Variants in IQCJ observed in about 807,000 individuals in gnomAD.
The protein encoded by IQCJ is IQ motif containing J.
In IQCJ, 9 loss-of-function variants were observed where a neutral mutation model predicts 11.0. The observed-to-expected ratio is 0.82, with a 90% CI of 0.49 to 1.43. The LOEUF (loss-of-function observed/expected upper bound fraction) is 1.43, where lower values mean the gene tolerates loss of function less well. Ranked by LOEUF, IQCJ falls within the 40% of genes most tolerant of loss-of-function variation. The pLI is 0.00. For missense variants in IQCJ, 146 were observed against 133.2 expected (o/e 1.10, Z -0.47); for synonymous variants, 55 against 51.3 (o/e 1.07, Z -0.31).
intron 1 of IQCJ, among the ~76,000 whole-genome samples, chr3:159,175,515 G>T (rs1184925687): frequency 6.6e-6 from 1 of 152,030 alleles, no homozygotes; most frequent in African/African-American, 2.4e-5. Flanking sequence ...TATCACTCCA[G>T]TAAGTTCCCC....
intron 1 of IQCJ, among the ~76,000 whole-genome samples, chr3:159,120,149 C>T (rs1719278770): frequency 6.6e-6 from 1 of 152,124 alleles, no homozygotes; most frequent in Admixed American, 6.6e-5. Flanking sequence ...CCCTGTACCC[C>T]AGGGGATCAT....
chr3:159,130,331 C>A (rs996656556), intron 1 of IQCJ, among the ~76,000 whole-genome samples: 1 of 152,006 alleles, frequency 6.6e-6, no homozygotes, highest in Non-Finnish European at 1.5e-5. Context: ...AATGCAAGTT[C>A]CTAGGAATTG....
rs1033179427 is a variant in IQCJ at position 159,088,866 on chromosome 3, T to C, written c.9+19425T>C. ...ACAGCACCCTGATGGGTCTTGACTC[T>C]TTATCCAATTTGCCAGTCTGTGTCT... is the stretch of plus-strand genomic sequence containing the variant. On this transcript the variant is annotated intron_variant, in intron 1 of 3. Coordinates refer to ENST00000397832, the MANE Select transcript of IQCJ (RefSeq NM_001042706.3). Among the ~76,000 whole-genome samples the C allele has an allele frequency of 4.1e-3, 619 of 152,302 alleles. 4 individuals carry two copies. The highest frequency in any genetic ancestry group is 0.014 in the African/African-American group (589 of 41,558).
intron 2 of IQCJ, among the ~76,000 whole-genome samples, chr3:159,250,751 CAT>C (rs1727547970): frequency 6.6e-6 from 1 of 152,212 alleles, no homozygotes; most frequent in South Asian, 2.1e-4. Context: ...TCGTCCTTGA[CAT>C]GTGGGGATTA....
At chr3:159,157,397 C>T (rs1405188649) in intron 1 of IQCJ, among the ~76,000 whole-genome samples, 1 of 152,106 alleles carries the variant, frequency 6.6e-6, no homozygotes, top group African/African-American at 2.4e-5. Flanking sequence ...CATTTTTTCT[C>T]ATGATTGTCT....
At chr3:159,204,359 T>C (rs1375659350) in intron 1 of IQCJ, among the ~76,000 whole-genome samples, 3 of 152,202 alleles carry the variant, frequency 2.0e-5, no homozygotes, top group Non-Finnish European at 4.4e-5. Context: ...TTCCTGGTTC[T>C]TCTCTAGATT....
intron 1 of IQCJ, among the ~76,000 whole-genome samples, chr3:159,209,501 T>C (rs1175486975): frequency 6.6e-6 from 1 of 151,920 alleles, no homozygotes; most frequent in African/African-American, 2.4e-5. Context: ...AAGGGCAGGG[T>C]GTCTGTCACC....
intron 1 of IQCJ, among the ~76,000 whole-genome samples, chr3:159,149,986 A>C (rs946289225): frequency 6.6e-6 from 1 of 152,074 alleles, no homozygotes; most frequent in Non-Finnish European, 1.5e-5. Context: ...TCTTCTTTGC[A>C]CTGTCTCTTT....
intron 1 of IQCJ, among the ~76,000 whole-genome samples, chr3:159,134,391 G>A (rs1277744875): frequency 2.6e-5 from 4 of 152,114 alleles, no homozygotes; most frequent in Non-Finnish European, 5.9e-5. Context: ...CAGTAAGTGG[G>A]GATCACAGGG....
chr3:159,108,006 CA>C (rs367862873), intron 1 of IQCJ, among the ~76,000 whole-genome samples: 27 of 100,914 alleles, frequency 2.7e-4, no homozygotes, highest in Admixed American at 5.1e-4. Context: ...TATGGTTTTC[CA>C]AAAAAAAAAA....
At chr3:159,077,770 A>G (rs1195694888) in intron 1 of IQCJ, among the ~76,000 whole-genome samples, 1 of 152,098 alleles carries the variant, frequency 6.6e-6, no homozygotes, top group Non-Finnish European at 1.5e-5. Context: ...CCCTCTTTGA[A>G]TTTTAAAACA....
intron 1 of IQCJ, among the ~76,000 whole-genome samples, chr3:159,074,432 G>A (rs1466911868): frequency 6.6e-6 from 1 of 152,086 alleles, no homozygotes; most frequent in South Asian, 2.1e-4. Context: ...GGAGACTTAT[G>A]TATAAGAACC....
At chr3:159,086,862 A>C (rs1322053398) in intron 1 of IQCJ, among the ~76,000 whole-genome samples, 1 of 152,154 alleles carries the variant, frequency 6.6e-6, no homozygotes, top group Admixed American at 6.5e-5. Context: ...GTCATCTGCA[A>C]ACAGGGACAA....
chr3:159,212,710 T>C (rs988587166), intron 1 of IQCJ, among the ~76,000 whole-genome samples: 1 of 152,236 alleles, frequency 6.6e-6, no homozygotes, highest in Non-Finnish European at 1.5e-5. Context: ...TCGATAAATA[T>C]GGATTAAATG....
At chr3:159,150,583 AACACACACACAC>A (rs373030886) in intron 1 of IQCJ, among the ~76,000 whole-genome samples, 2 of 146,092 alleles carry the variant, frequency 1.4e-5, no homozygotes, top group Non-Finnish European at 1.5e-5. Flanking sequence ...CATTGTCCCC[AACACACACACAC>A]ACACACACAC....
intron 1 of IQCJ, among the ~76,000 whole-genome samples, chr3:159,108,403 T>C (rs1718406449): frequency 6.6e-6 from 1 of 152,222 alleles, no homozygotes. Flanking sequence ...TCTATACTAG[T>C]TTCCACTTAT....
chr3:159,202,808 CA>C (rs1158400729), intron 1 of IQCJ, among the ~76,000 whole-genome samples: 1 of 152,046 alleles, frequency 6.6e-6, no homozygotes, highest in African/African-American at 2.4e-5. Flanking sequence ...CAACTTAAGC[CA>C]AGCAAATTTT....
At chr3:159,120,880 C>A (rs977484097) in intron 1 of IQCJ, among the ~76,000 whole-genome samples, 1 of 152,180 alleles carries the variant, frequency 6.6e-6, no homozygotes, top group African/African-American at 2.4e-5. Flanking sequence ...TTCATTGTGC[C>A]TATTTCTGGG....
chr3:159,265,488 C>G, downstream of IQCJ: 2 of 1,063,828 alleles, frequency 1.9e-6, no homozygotes, highest in Non-Finnish European at 2.7e-6. Context: ...CTTCCTCTAA[C>G]AACCATGAGT....
Sources: allele counts gnomAD v4.1 joint callset (sites outside exome capture counted in the v4.1 genomes callset), GRCh38; gene constraint gnomAD v4.1.1; transcripts MANE v1.5; gene names NCBI Gene and HGNC (gene_info 2026-07-23, HGNC 2026-07-21).